GRM8: variants seen among roughly 807,000 people sequenced by gnomAD.
GRM8 encodes metabotropic glutamate receptor 8.
Under a neutral mutation model 87.2 loss-of-function variants are expected in GRM8, and 47 were observed. The observed-to-expected ratio is 0.54, with a 90% CI of 0.43 to 0.69. The LOEUF is 0.69. GRM8 is among the 30% of genes least tolerant of loss of function. The probability of loss-of-function intolerance (pLI) is 0.00; values close to 1 mark genes in which losing one functional copy is unlikely to be tolerated. For synonymous variants in GRM8, 396 were observed against 404.5 expected (o/e 0.98, Z 0.25); for missense variants, 1,019 against 1,139.2 (o/e 0.89, Z 1.52).
intron 2 of GRM8, among the ~76,000 whole-genome samples, chr7:127,174,543 T>C (rs1389009586): frequency 1.3e-5 from 2 of 152,162 alleles, no homozygotes; most frequent in Non-Finnish European, 2.9e-5. Flanking sequence ...TACCTATGCG[T>C]TTTTTCAATA....
At chr7:126,916,565 T>C (rs1177691380) in intron 3 of GRM8, among the ~76,000 whole-genome samples, 1 of 152,228 alleles carries the variant, frequency 6.6e-6, no homozygotes, top group African/African-American at 2.4e-5. Flanking sequence ...ATAATCTATG[T>C]GCACTCTTCT....
chr7:126,460,522 A>T (rs940029472), intron 9 of GRM8, among the ~76,000 whole-genome samples: 2 of 151,620 alleles, frequency 1.3e-5, no homozygotes, highest in Non-Finnish European at 3.0e-5. Context: ...ACCAGTACTC[A>T]TAACTCTAGA....
chr7:126,945,325 G>A (rs576183850), intron 3 of GRM8, among the ~76,000 whole-genome samples: 1 of 152,252 alleles, frequency 6.6e-6, no homozygotes, highest in East Asian at 1.9e-4. Context: ...CTTAATCAGA[G>A]TGATGGATAT....
chr7:126,544,327 C>T (rs1474993386), intron 8 of GRM8, among the ~76,000 whole-genome samples: 1 of 152,012 alleles, frequency 6.6e-6, no homozygotes. Context: ...TTGAGTAGGC[C>T]TGGCTTTAGG....
intron 2 of GRM8, among the ~76,000 whole-genome samples, chr7:127,190,136 G>C (rs1192268972): frequency 1.3e-5 from 2 of 152,144 alleles, no homozygotes; most frequent in Non-Finnish European, 2.9e-5. Flanking sequence ...CCTGTTCCAC[G>C]TATCTCTCAT....
chr7:126,724,776 TG>T (rs1585675938), intron 7 of GRM8, among the ~76,000 whole-genome samples: 1 of 149,590 alleles, frequency 6.7e-6, no homozygotes, highest in East Asian at 1.9e-4. Context: ...AAAAAAAAAT[TG>T]GGGGGCTTTG....
Position 126,719,174 on chromosome 7 carries a change from T to C in GRM8, c.1357+50691A>G, listed in dbSNP as rs189669684. On this transcript the variant is annotated intron_variant, in intron 7 of 10. Coordinates refer to ENST00000339582, the MANE Select transcript of GRM8 (RefSeq NM_000845.3). The stretch of plus-strand genomic sequence containing the variant: ...TAATAATAGACACTTTGCAAAGTTA[T>C]CATAAAATATAAATTAATAAATGAG... Among the ~76,000 whole-genome samples the C allele has an allele frequency of 1.4e-3, 212 of 152,222 alleles. 1 individual carries two copies. The highest frequency in any genetic ancestry group is 4.8e-3 in the African/African-American group (199 of 41,554).
chr7:126,862,350 TA>T (rs1283832753), intron 6 of GRM8, among the ~76,000 whole-genome samples: 1 of 152,010 alleles, frequency 6.6e-6, no homozygotes, highest in African/African-American at 2.4e-5. Context: ...TTATGGCTAT[TA>T]TTGCTACTTT....
chr7:126,801,290 TA>T, intron 6 of GRM8, among the ~76,000 whole-genome samples: 1 of 152,250 alleles, frequency 6.6e-6, no homozygotes, highest in Non-Finnish European at 1.5e-5. Flanking sequence ...ATGCCACTTG[TA>T]GAAACATATC....
intron 9 of GRM8, among the ~76,000 whole-genome samples, chr7:126,483,251 C>T (rs1399241431): frequency 2.0e-5 from 3 of 149,884 alleles, no homozygotes; most frequent in African/African-American, 7.4e-5. Flanking sequence ...ACCACTTATG[C>T]GTCCCTAACC....
At chr7:127,095,897 A>G (rs1398627706) in intron 3 of GRM8, 1 of 152,222 alleles carries the variant, frequency 6.6e-6, no homozygotes, top group African/African-American at 2.4e-5. Context: ...CTGTATCCTC[A>G]AAGCCCAGCA....
At chr7:126,617,203 G>T (rs1799594794) in intron 7 of GRM8, among the ~76,000 whole-genome samples, 1 of 152,170 alleles carries the variant, frequency 6.6e-6, no homozygotes, top group African/African-American at 2.4e-5. Flanking sequence ...TCATCCCAGG[G>T]ATGCAAGGCT....
At chr7:127,208,093 A>G (rs1796014980) in intron 2 of GRM8, among the ~76,000 whole-genome samples, 1 of 152,148 alleles carries the variant, frequency 6.6e-6, no homozygotes, top group Non-Finnish European at 1.5e-5. Context: ...CTTTCTCCTA[A>G]TAAGAGACCA....
At chr7:126,925,216 T>C (rs1804966960) in intron 3 of GRM8, among the ~76,000 whole-genome samples, 1 of 152,206 alleles carries the variant, frequency 6.6e-6, no homozygotes, top group Non-Finnish European at 1.5e-5. Context: ...TTCAAGTTAT[T>C]TTTGCATGGG....
intron 6 of GRM8, among the ~76,000 whole-genome samples, chr7:126,812,227 T>C (rs954735576): frequency 6.6e-6 from 1 of 151,942 alleles, no homozygotes; most frequent in African/African-American, 2.4e-5. Flanking sequence ...TAAGCAATCA[T>C]GAGATGATTT....
chr7:126,679,403 A>G lies in GRM8; in HGVS notation c.1358-69905T>C, dbSNP rs575710937. Among the ~76,000 whole-genome samples the G allele has an allele frequency of 3.9e-5, 6 of 152,334 alleles. No homozygotes were observed. In the South Asian group the frequency reaches 1.2e-3, roughly 32 times the overall value. Reference sequence around the variant, plus strand: ...AATGAAGATACATTAAAACAAAATTAGTACAGAATTTAAGGGCTGGAAGAA... The same window carrying G: ...AATGAAGATACATTAAAACAAAATTGGTACAGAATTTAAGGGCTGGAAGAA... On this transcript the variant is annotated intron_variant, in intron 7 of 10. Coordinates refer to ENST00000339582, the MANE Select transcript of GRM8 (RefSeq NM_000845.3).
At chr7:127,113,596 A>T (rs1353153738) in intron 2 of GRM8, among the ~76,000 whole-genome samples, 2 of 151,998 alleles carry the variant, frequency 1.3e-5, no homozygotes, top group Non-Finnish European at 2.9e-5. Flanking sequence ...CAATAACATC[A>T]TTGGTTTTTT....
At chr7:126,737,599 T>C (rs1030760357) in intron 7 of GRM8, among the ~76,000 whole-genome samples, 7 of 152,028 alleles carry the variant, frequency 4.6e-5, no homozygotes, top group Non-Finnish European at 1.0e-4. Context: ...TGATATTAAA[T>C]TTAATACTAG....
intron 8 of GRM8, among the ~76,000 whole-genome samples, chr7:126,595,584 T>A (rs1322959138): frequency 6.6e-6 from 1 of 151,854 alleles, no homozygotes; most frequent in Non-Finnish European, 1.5e-5. Flanking sequence ...GTTATACAGG[T>A]AAAGGGTATG....
Sources: gnomAD v4.1 joint callset for allele counts (sites outside exome capture counted in the v4.1 genomes callset) on GRCh38, gnomAD v4.1.1 for gene constraint, MANE v1.5 for transcripts, NCBI Gene and HGNC (gene_info 2026-07-23, HGNC 2026-07-21) for gene names.